The following EPB41 variants were observed in gnomAD, a reference collection of about 807,000 sequenced individuals.
EPB41 encodes the protein erythrocyte membrane protein band 4.1.
Under a neutral mutation model 108.0 loss-of-function variants are expected in EPB41, and 65 were observed. That is an observed-to-expected ratio of 0.60 (90% CI 0.49 to 0.74). The LOEUF is 0.74. EPB41 is among the 30% of genes least tolerant of loss of function. The pLI is 0.00. For missense variants in EPB41, 875 were observed against 1,037.0 expected (o/e 0.84, Z 2.15); for synonymous variants, 336 against 358.9 (o/e 0.94, Z 0.72).
chr1:28,930,443 C>T (rs895085756), intron 1 of EPB41, among the ~76,000 whole-genome samples: 1 of 151,098 alleles, frequency 6.6e-6, no homozygotes, highest in Non-Finnish European at 1.5e-5. Context: ...GCTGGGATTA[C>T]AGGCATGAAC....
upstream of EPB41, among the ~76,000 whole-genome samples, chr1:28,912,033 C>T (rs1205054453): frequency 2.0e-5 from 3 of 152,162 alleles, no homozygotes; most frequent in Admixed American, 6.5e-5. Context: ...GCAAAAAGAG[C>T]GAAACCCCTT....
At chr1:29,097,523 G>A (rs560731186) in intron 16 of EPB41, 133 of 450,518 alleles carry the variant, frequency 3.0e-4, no homozygotes, top group Middle Eastern at 1.3e-3. Context: ...AGGTCAGTCT[G>A]AAGTGTTTTA....
intron 16 of EPB41, 196 bp from the exon 17 acceptor site, chr1:29,097,611 A>G: frequency 1.6e-6 from 1 of 622,904 alleles, no homozygotes; most frequent in East Asian, 2.8e-5. Flanking sequence ...CTGCTTTTTA[A>G]TATCCCTCAT....
chr1:29,048,342 G>A (rs1338457504), intron 11 of EPB41, among the ~76,000 whole-genome samples: 2 of 151,890 alleles, frequency 1.3e-5, no homozygotes, highest in African/African-American at 4.8e-5. Flanking sequence ...AGCCTCCCGA[G>A]TAGCTGGGAT....
At chr1:28,947,418 CAAACAAA>C (rs1184885393) in intron 1 of EPB41, among the ~76,000 whole-genome samples, 7 of 98,558 alleles carry the variant, frequency 7.1e-5, no homozygotes, top group Non-Finnish European at 1.2e-4. Flanking sequence ...GACAAACAAA[CAAACAAA>C]CAAACAAACA....
intron 11 of EPB41, 65 bp downstream of exon 11, chr1:29,039,491 A>G (rs551868335): frequency 1.0e-4 from 162 of 1,589,522 alleles, no homozygotes; most frequent in Admixed American, 3.9e-4. Flanking sequence ...AGGAAGTGCA[A>G]TTATCTATAA....
At chr1:28,901,968 T>G (rs1207462104) in intron 1 of EPB41, among the ~76,000 whole-genome samples, 3 of 152,238 alleles carry the variant, frequency 2.0e-5, no homozygotes, top group Non-Finnish European at 2.9e-5. Flanking sequence ...CTCCTCGCAT[T>G]GGAATGTAAG....
At chr1:29,060,249 G>A (rs1646272857) in intron 14 of EPB41, among the ~76,000 whole-genome samples, 173 bp from the exon 15 acceptor site, 1 of 152,102 alleles carries the variant, frequency 6.6e-6, no homozygotes, top group Admixed American at 6.6e-5. Flanking sequence ...ATTTTCTTGT[G>A]GTAATCATGT....
intron 2 of EPB41, chr1:28,989,362 C>T (rs1454289664): frequency 2.1e-6 from 2 of 969,850 alleles, no homozygotes; most frequent in African/African-American, 1.8e-5. Flanking sequence ...TCAGCCTCAC[C>T]ATTACAATTA....
intron 4 of EPB41, 82 bp downstream of exon 4, chr1:28,997,401 C>T: frequency 1.2e-6 from 1 of 834,638 alleles, no homozygotes; most frequent in South Asian, 1.4e-5. Flanking sequence ...TCTATACCTG[C>T]TTCTCTAAGC....
intron 16 of EPB41, chr1:29,070,781 T>C (rs1158444113): frequency 4.6e-6 from 5 of 1,081,076 alleles, no homozygotes; most frequent in East Asian, 3.2e-5. Context: ...AGAGTATGTA[T>C]TGTGGGGTAC....
At chr1:29,060,076 G>A in intron 14 of EPB41, among the ~76,000 whole-genome samples, 1 of 152,110 alleles carries the variant, frequency 6.6e-6, no homozygotes, top group Admixed American at 6.5e-5. Flanking sequence ...GATACATGGA[G>A]TTTCAGCGTT....
intron 16 of EPB41, among the ~76,000 whole-genome samples, chr1:29,067,450 C>T (rs1329085804): frequency 1.5e-4 from 20 of 135,092 alleles, no homozygotes; most frequent in African/African-American, 3.6e-4. Flanking sequence ...GAGCCGAGAT[C>T]GCGCCACTGC....
At position 29,097,944 on chromosome 1, in the gene EPB41, T is replaced by C. The variant is rs550021271; in HGVS notation, c.2313+9T>C. 1.3e-5 allele frequency: 21 copies of C among 1,613,974 alleles called. No individual in the cohort carries two copies. In the East Asian group the frequency reaches 4.7e-4, roughly 36 times the overall value. The stretch of plus-strand genomic sequence containing the variant: ...CTTATGAGGCTGCCCAGGTAGGACA[T>C]GTTTTGATGCTTCAGAACCAAAGGC... On this transcript the variant is annotated intron_variant, in intron 17 of 20. Coordinates refer to ENST00000343067, the MANE Select transcript of EPB41 (RefSeq NM_001376013.1).
chr1:29,091,837 G>A (rs1307290208), intron 16 of EPB41, among the ~76,000 whole-genome samples: 1 of 152,090 alleles, frequency 6.6e-6, no homozygotes, highest in Admixed American at 6.6e-5. Context: ...TTCAACTAGT[G>A]CCAGTTTGAG....
At chr1:29,051,513 T>C (rs981473157) in intron 11 of EPB41, among the ~76,000 whole-genome samples, 15 of 152,194 alleles carry the variant, frequency 9.9e-5, no homozygotes, top group Non-Finnish European at 2.2e-4. Context: ...TCTAAAAATT[T>C]CAGGATGAAT....
At position 29,098,241 on chromosome 1, in the gene EPB41, C is replaced by A. The variant is rs546203836; in HGVS notation, c.2313+306C>A. Among the ~76,000 whole-genome samples, 11 of 152,162 alleles carry A rather than the reference C, an allele frequency of 7.2e-5. No homozygotes were observed. In the South Asian group the frequency reaches 2.1e-3, roughly 29 times the overall value. On this transcript the variant is annotated intron_variant, in intron 17 of 20. Coordinates refer to ENST00000343067, the MANE Select transcript of EPB41 (RefSeq NM_001376013.1). ...ACAGAGTCTCGCTCTGTCGCCCAGG[C>A]TGGAGTGCAGTGGCGCAATCTCGGC...
chr1:29,106,064 G>A (rs764217647), intron 17 of EPB41, among the ~76,000 whole-genome samples: 2 of 152,094 alleles, frequency 1.3e-5, no homozygotes, highest in Non-Finnish European at 2.9e-5. Context: ...ATCTTGTTGT[G>A]GGCGTTTCAT....
intron 1 of EPB41, among the ~76,000 whole-genome samples, chr1:28,941,556 C>G (rs1487479807): frequency 6.6e-6 from 1 of 152,150 alleles, no homozygotes; most frequent in Non-Finnish European, 1.5e-5. Flanking sequence ...GATTTATTAA[C>G]AGATAGTTTT....
Sources: allele counts gnomAD v4.1 joint callset (sites outside exome capture counted in the v4.1 genomes callset), GRCh38; gene constraint gnomAD v4.1.1; transcripts MANE v1.5; gene names NCBI Gene and HGNC (gene_info 2026-07-23, HGNC 2026-07-21).